Variants in PHKA2 observed in about 807,000 individuals in gnomAD.
The protein encoded by PHKA2 is phosphorylase kinase regulatory subunit alpha 2, also known as phosphorylase b kinase regulatory subunit alpha, liver isoform.
PHKA2 carries 31 observed loss-of-function variants against 102.0 expected under a neutral mutation model. The ratio of observed to expected loss-of-function variants is 0.30; its 90% CI spans 0.23 to 0.41. The LOEUF is 0.41. Among genes scored for constraint, PHKA2 ranks in the 10% least tolerant of loss-of-function variants. The pLI, the probability that PHKA2 is intolerant of heterozygous loss-of-function variation, is 1.00. For synonymous variants in PHKA2, 455 were observed against 416.2 expected, an observed-to-expected ratio of 1.09 and a Z score of -1.13; for missense variants, 858 against 1,023.1, an observed-to-expected ratio of 0.84 and a Z score of 2.20.
chrX:18,904,432 C>T lies in PHKA2; in HGVS notation c.2908+1326G>A, dbSNP rs780051175. ...CATGTCTTCTGCTCTTGCTTGCAAT[C>T]GCACATATTTATGACTTTCAAATGA... is the stretch of plus-strand genomic sequence containing the variant. On this transcript the variant is annotated intron_variant, in intron 26 of 32. Coordinates refer to ENST00000379942, the MANE Select transcript of PHKA2 (RefSeq NM_000292.3). Among the ~76,000 whole-genome samples the T allele has an allele frequency of 8.0e-5, 9 of 112,622 alleles. No homozygotes were observed. In the South Asian group the frequency reaches 2.6e-3, roughly 32 times the overall value.
intron 9 of PHKA2, 91 bp downstream of exon 9, chrX:18,939,904 T>C: frequency 2.9e-6 from 2 of 682,879 alleles, no homozygotes; most frequent in South Asian, 2.2e-5. Flanking sequence ...TATTCCAACA[T>C]AAAATTATAA....
intron 1 of PHKA2, among the ~76,000 whole-genome samples, chrX:18,965,502 A>C (rs1397581039): frequency 1.8e-5 from 2 of 111,369 alleles, no homozygotes; most frequent in Non-Finnish European, 3.8e-5. Context: ...GAGCATGAAG[A>C]CACCACATGT....
intron 2 of PHKA2, 22 bp from the exon 3 acceptor site, chrX:18,952,563 A>G: frequency 8.3e-7 from 1 of 1,203,770 alleles, no homozygotes; most frequent in Non-Finnish European, 1.1e-6. Context: ...AAGCAGAATC[A>G]GCAACACGGC....
chrX:18,909,304 G>A (rs1365559373), intron 20 of PHKA2, among the ~76,000 whole-genome samples: 1 of 112,216 alleles, frequency 8.9e-6, no homozygotes, highest in Non-Finnish European at 1.9e-5. Context: ...CAGGTATACT[G>A]GCTTGGTGAT....
At chrX:18,923,195 G>A (rs910462209) in intron 17 of PHKA2, among the ~76,000 whole-genome samples, 6 of 109,589 alleles carry the variant, frequency 5.5e-5, no homozygotes, top group African/African-American at 1.3e-4. Flanking sequence ...GACTACAGGC[G>A]TGCACCACCA....
chrX:18,982,168 C>G (rs936813129), intron 1 of PHKA2, among the ~76,000 whole-genome samples: 2 of 111,997 alleles, frequency 1.8e-5, no homozygotes, highest in Non-Finnish European at 3.8e-5. Context: ...TCTTCCAGGA[C>G]TCCTCTACTG....
chrX:18,945,477 GA>G (rs765690769), intron 5 of PHKA2, among the ~76,000 whole-genome samples: 14 of 112,612 alleles, frequency 1.2e-4, no homozygotes, highest in African/African-American at 4.5e-4. Flanking sequence ...TCTTAAGATT[GA>G]ATAAAATGCT....
At chrX:18,910,158 G>C (rs1230599265) in intron 20 of PHKA2, among the ~76,000 whole-genome samples, 1 of 112,057 alleles carries the variant, frequency 8.9e-6, no homozygotes, top group East Asian at 2.8e-4. Flanking sequence ...AGTATCCTAA[G>C]GAATCTTTTA....
chrX:18,908,804 A>G lies in PHKA2; in HGVS notation c.2357T>C (p.Ile786Thr). 1 of 1,202,476 alleles carries G rather than the reference A, an allele frequency of 8.3e-7. No homozygotes were observed. Among genetic ancestry groups the G allele is most frequent in the Non-Finnish European group, 1.1e-6 (1 of 886,985 alleles). Residue 786 changes from isoleucine (I) to threonine (T), a missense_variant, in exon 21 of 33, where the codon ATA becomes ACA. Coordinates refer to ENST00000379942, the MANE Select transcript of PHKA2 (RefSeq NM_000292.3). ...QADILYILYV[I>T]KGPSWDTNLS... ...CCGAATGGACTCAGACACTTACTTTATGACATAAAGAATGTACAGAATGTC... is the reference window on the plus strand; with the variant it reads ...CCGAATGGACTCAGACACTTACTTTGTGACATAAAGAATGTACAGAATGTC...
Position 18,919,863 on chromosome X carries a change from G to A in PHKA2, c.1963+169C>T, listed in dbSNP as rs560005668. 1.3e-4 allele frequency among the ~76,000 whole-genome samples: 14 copies of A among 111,212 alleles called. No homozygotes were observed. The Middle Eastern group carries it at 0.014, about 112-fold the overall frequency. ...TCATTTGCAGTTTCGGTTTTTAAAC[G>A]GGCATTTTATTCATTTTAATATATG... is the stretch of plus-strand genomic sequence containing the variant. On this transcript the variant is annotated intron_variant, in intron 18 of 32. Coordinates refer to ENST00000379942, the MANE Select transcript of PHKA2 (RefSeq NM_000292.3).
intron 5 of PHKA2, among the ~76,000 whole-genome samples, chrX:18,945,513 CTTATA>C (rs1361590557): frequency 1.1e-4 from 12 of 112,394 alleles, no homozygotes; most frequent in East Asian, 5.5e-4. Flanking sequence ...TGCCTTTGAA[CTTATA>C]TTATGTTGTA....
rs2048181324 is a variant in PHKA2 at position 18,924,532 on chromosome X, G to A, written c.1570-7C>T. The A allele has an allele frequency of 2.5e-6, 3 of 1,208,076 alleles. No homozygotes were observed. The highest frequency in any genetic ancestry group is 3.5e-5 in the South Asian group (2 of 56,763). On this transcript the variant is annotated splice_polypyrimidine_tract_variant and splice_region_variant and intron_variant, in intron 15 of 32. Transcript: ENST00000379942. ...AGTGATGCTGGTCGGTGAACTGAAA[G>A]TCAGAGGAGGCTGGGTAAACGGCCA...
chrX:18,957,736 G>GA (rs2048802976), intron 1 of PHKA2, among the ~76,000 whole-genome samples: 1 of 92,492 alleles, frequency 1.1e-5, no homozygotes, highest in African/African-American at 5.5e-5. Context: ...ACTAAAACCA[G>GA]ATTATATATA....
At chrX:18,964,642 A>G (rs1184347906) in intron 1 of PHKA2, among the ~76,000 whole-genome samples, 4 of 112,504 alleles carry the variant, frequency 3.6e-5, no homozygotes, top group Non-Finnish European at 7.5e-5. Context: ...GCCTTTTGAA[A>G]TATTAAAGAG....
At chrX:18,951,713 C>T (rs996685696) in intron 3 of PHKA2, among the ~76,000 whole-genome samples, 1 of 111,552 alleles carries the variant, frequency 9.0e-6, no homozygotes, top group African/African-American at 3.3e-5. Context: ...GTTTTGTCTT[C>T]GTCTTTGAAT....
chrX:18,969,200 T>C (rs2148026782), intron 1 of PHKA2, among the ~76,000 whole-genome samples: 1 of 111,989 alleles, frequency 8.9e-6, no homozygotes, highest in East Asian at 2.8e-4. Flanking sequence ...TTGTCAGTTG[T>C]TTTCCTTGCA....
chrX:18,914,441 A>G (rs1263204434), intron 19 of PHKA2, among the ~76,000 whole-genome samples: 1 of 112,138 alleles, frequency 8.9e-6, no homozygotes, highest in Non-Finnish European at 1.9e-5. Flanking sequence ...GAAATCCGAG[A>G]GCTGGTCAGT....
intron 1 of PHKA2, among the ~76,000 whole-genome samples, chrX:18,973,168 C>T (rs375168550): frequency 5.7e-3 from 627 of 110,802 alleles, no homozygotes; most frequent in African/African-American, 0.018. Context: ...ACATCACATC[C>T]TAATTTTTGT....
chrX:18,906,139 A>T (rs753204951), intron 25 of PHKA2, among the ~76,000 whole-genome samples: 2 of 112,219 alleles, frequency 1.8e-5, no homozygotes, highest in African/African-American at 6.5e-5. Flanking sequence ...TTTATATTCA[A>T]ATTGGTAGGG....
Sources: allele counts gnomAD v4.1 joint callset (sites outside exome capture counted in the v4.1 genomes callset), GRCh38; gene constraint gnomAD v4.1.1; transcripts MANE v1.5; gene names NCBI Gene and HGNC (gene_info 2026-07-23, HGNC 2026-07-21).